EGFLAM: variants seen among roughly 807,000 people sequenced by gnomAD.
The protein encoded by EGFLAM is pikachurin.
In EGFLAM, 79 loss-of-function variants were observed where a neutral mutation model predicts 113.1. That is an observed-to-expected ratio of 0.70 (90% CI 0.58 to 0.84). The LOEUF (loss-of-function observed/expected upper bound fraction) is 0.84. Ranked by LOEUF, EGFLAM falls within the 40% of genes least tolerant of loss-of-function variation. EGFLAM has a pLI of 0.00. For missense variants in EGFLAM, 1,265 were observed against 1,291.6 expected (o/e 0.98, Z 0.32); for synonymous variants, 504 against 487.6 (o/e 1.03, Z -0.44).
Position 38,427,004 on chromosome 5 carries a change from T to C in EGFLAM, c.1811-5T>C, listed in dbSNP as rs770283835. The stretch of plus-strand genomic sequence containing the variant: ...GGATTTCTAACACCATGCTTGTTTT[T>C]TCAGCTTTCACCTTGACCATTCCTC... On this transcript the variant is annotated splice_region_variant and splice_polypyrimidine_tract_variant and intron_variant, in intron 13 of 21. Coordinates refer to ENST00000322350, the MANE Select transcript of EGFLAM (RefSeq NM_152403.4). 1.9e-6 allele frequency: 3 copies of C among 1,613,570 alleles called. No individual in the cohort carries two copies. Among genetic ancestry groups the C allele is most frequent in the Non-Finnish European group, 2.5e-6 (3 of 1,179,852 alleles).
At position 38,406,993 on chromosome 5, in the gene EGFLAM, G is replaced by A. The variant is rs1413971298; in HGVS notation, c.994G>A (p.Gly332Arg). The A allele has an allele frequency of 1.9e-6, 3 of 1,614,156 alleles. No individual in the cohort carries two copies. In the Admixed American group the frequency reaches 5.0e-5, roughly 27 times the overall value. ...CCAGCCCATTCCCATACAGAGAAAG[G>A]GGAAGAATGGTGTGGCCATAATGTC... ...APQPIPIQRK[G>R]KNGVAIMSRL... The change falls in exon 8 of 22, where the codon GGG (glycine) becomes AGG (arginine). Residue 332 changes from glycine to arginine, a missense_variant. Gly to Arg is a moderately radical substitution (Grantham distance 125). Transcript: ENST00000322350.
rs564310097 is a variant in EGFLAM, at chr5:38,387,915, A to G, written c.712+17453A>G. Among the ~76,000 whole-genome samples, 164 of 152,258 alleles carry G rather than the reference A, an allele frequency of 1.1e-3. 3 individuals are homozygous for G. Among genetic ancestry groups the G allele is most frequent in the African/African-American group, 3.8e-3 (159 of 41,560 alleles). On this transcript the variant is annotated intron_variant, in intron 6 of 21. Transcript: ENST00000322350. ...CAAGCCAGGCTTCTTTCCCTGATTT[A>G]AGACTGACTGTCTTTGCCTGACCTT...
chr5:38,370,943 G>C (rs1157305420), intron 6 of EGFLAM, among the ~76,000 whole-genome samples: 2 of 152,110 alleles, frequency 1.3e-5, no homozygotes, highest in Admixed American at 6.5e-5. Flanking sequence ...ATGGAGCTGG[G>C]GCTGTAGCCA....
chr5:38,397,321 A>G (rs560638535), intron 6 of EGFLAM, among the ~76,000 whole-genome samples: 1 of 152,356 alleles, frequency 6.6e-6, no homozygotes, highest in Admixed American at 6.5e-5. Context: ...ACATCTTTGC[A>G]GTCCCTGAGT....
At chr5:38,324,598 G>A (rs1738829637) in intron 1 of EGFLAM, among the ~76,000 whole-genome samples, 1 of 152,078 alleles carries the variant, frequency 6.6e-6, no homozygotes, top group African/African-American at 2.4e-5. Flanking sequence ...TCTCCACACA[G>A]GTTTTAGAGG....
At chr5:38,392,472 C>A (rs1357993441) in intron 6 of EGFLAM, among the ~76,000 whole-genome samples, 2 of 152,062 alleles carry the variant, frequency 1.3e-5, no homozygotes, top group Non-Finnish European at 1.5e-5. Context: ...GGGTCTATAC[C>A]CACTAATGGC....
intron 1 of EGFLAM, among the ~76,000 whole-genome samples, chr5:38,301,287 A>G (rs1758572353): frequency 6.6e-6 from 1 of 152,188 alleles, no homozygotes; most frequent in Non-Finnish European, 1.5e-5. Context: ...CTGGAACCCA[A>G]GTGAAGACTG....
intron 21 of EGFLAM, 69 bp from the exon 22 acceptor site, chr5:38,463,763 G>A (rs1449064972): frequency 4.4e-6 from 7 of 1,583,046 alleles, no homozygotes; most frequent in Middle Eastern, 2.3e-4. Flanking sequence ...GCCCCAAACT[G>A]GAACCCCGAC....
At chr5:38,403,694 T>C in intron 6 of EGFLAM, 2 of 1,343,810 alleles carry the variant, frequency 1.5e-6, no homozygotes, top group Non-Finnish European at 2.0e-6. Context: ...ATTTCTGGAA[T>C]TTCCCATTTA....
chr5:38,402,553 C>G (rs1446893788), intron 6 of EGFLAM, among the ~76,000 whole-genome samples: 1 of 152,232 alleles, frequency 6.6e-6, no homozygotes, highest in Non-Finnish European at 1.5e-5. Context: ...ATTAGGAGAG[C>G]AGTCACCAGA....
At chr5:38,263,416 C>T (rs540382118) in intron 1 of EGFLAM, among the ~76,000 whole-genome samples, 9 of 152,202 alleles carry the variant, frequency 5.9e-5, no homozygotes, top group African/African-American at 1.4e-4. Context: ...GAGCCAAGAT[C>T]GCACCACTGC....
chr5:38,328,723 GTTTTTTTTT>G (rs3077265), intron 1 of EGFLAM, among the ~76,000 whole-genome samples: 1 of 103,026 alleles, frequency 9.7e-6, no homozygotes, highest in South Asian at 3.6e-4. Context: ...AGCTATACTT[GTTTTTTTTT>G]TTTTTTTTTT....
At chr5:38,424,515 C>T (rs897338500) in intron 12 of EGFLAM, among the ~76,000 whole-genome samples, 1 of 152,204 alleles carries the variant, frequency 6.6e-6, no homozygotes, top group Non-Finnish European at 1.5e-5. Context: ...CCTTGCTTGT[C>T]TCAACTTTGA....
intron 6 of EGFLAM, among the ~76,000 whole-genome samples, chr5:38,390,593 G>A (rs1420136114): frequency 1.3e-5 from 2 of 152,168 alleles, no homozygotes; most frequent in African/African-American, 2.4e-5. Context: ...CAGTTTCACT[G>A]CTATCTTCAC....
At chr5:38,283,659 A>G (rs1758080376) in intron 1 of EGFLAM, among the ~76,000 whole-genome samples, 1 of 152,172 alleles carries the variant, frequency 6.6e-6, no homozygotes, top group South Asian at 2.1e-4. Flanking sequence ...AATCAGGATG[A>G]GGACCCAAGT....
At chr5:38,361,474 T>C (rs550804856) in intron 5 of EGFLAM, among the ~76,000 whole-genome samples, 2 of 152,298 alleles carry the variant, frequency 1.3e-5, no homozygotes, top group African/African-American at 2.4e-5. Flanking sequence ...ACATGTCAAA[T>C]AGGTGCTGGT....
chr5:38,425,144 A>G, intron 13 of EGFLAM, 52 bp downstream of exon 13: 1 of 1,587,400 alleles, frequency 6.3e-7, no homozygotes, highest in Non-Finnish European at 8.6e-7. Context: ...TAATTTGTGT[A>G]GATGTACTTT....
At chr5:38,386,159 G>C (rs1357054500) in intron 6 of EGFLAM, among the ~76,000 whole-genome samples, 1 of 152,228 alleles carries the variant, frequency 6.6e-6, no homozygotes, top group Non-Finnish European at 1.5e-5. Flanking sequence ...ACTGAATAAA[G>C]TAAGGGTGTA....
intron 1 of EGFLAM, among the ~76,000 whole-genome samples, chr5:38,279,746 T>C (rs1482348108): frequency 6.6e-6 from 1 of 152,136 alleles, no homozygotes; most frequent in Non-Finnish European, 1.5e-5. Flanking sequence ...AGGGTAATGC[T>C]GGCTAAAGGA....
Sources: allele counts gnomAD v4.1 joint callset (sites outside exome capture counted in the v4.1 genomes callset), GRCh38; gene constraint gnomAD v4.1.1; transcripts MANE v1.5; gene names NCBI Gene and HGNC (gene_info 2026-07-23, HGNC 2026-07-21).